ANXA3: variants seen among roughly 807,000 people sequenced by gnomAD.
ANXA3 encodes 35-alpha calcimedin.
ANXA3 carries 46 observed loss-of-function variants against 48.8 expected under a neutral mutation model. The observed-to-expected ratio is 0.94, with a 90% confidence interval of 0.74 to 1.21. The LOEUF (loss-of-function observed/expected upper bound fraction) is 1.21, where lower values mean the gene tolerates loss of function less well. Among genes scored for constraint, ANXA3 ranks in the 50% most tolerant of loss-of-function variants. The pLI is 0.00. For synonymous variants in ANXA3, 128 were observed against 134.7 expected (o/e 0.95, Z 0.35); for missense variants, 383 against 378.6 (o/e 1.01, Z -0.10).
chr4:78,600,422 T>G (rs1723509963), intron 10 of ANXA3, among the ~76,000 whole-genome samples: 1 of 152,146 alleles, frequency 6.6e-6, no homozygotes, highest in Non-Finnish European at 1.5e-5. Flanking sequence ...CAAATCTAGT[T>G]GGCAGGGAGG....
At chr4:78,593,307 A>G (rs1392040081) in intron 7 of ANXA3, among the ~76,000 whole-genome samples, 2 of 151,912 alleles carry the variant, frequency 1.3e-5, no homozygotes, top group African/African-American at 4.8e-5. Context: ...GGTTCAAGCA[A>G]TTCTCCTGCC....
chr4:78,576,018 A>G (rs1179600847), intron 3 of ANXA3, among the ~76,000 whole-genome samples: 2 of 151,996 alleles, frequency 1.3e-5, no homozygotes, highest in Non-Finnish European at 2.9e-5. Context: ...CCTATGTTTT[A>G]TGCTTCCCTA....
chr4:78,567,179 A>G lies in ANXA3; in HGVS notation c.16-6001A>G, dbSNP rs1187648485. 2.6e-5 allele frequency among the ~76,000 whole-genome samples: 4 copies of G among 152,164 alleles called. No individual in the cohort carries two copies. The South Asian group carries it at 6.2e-4, about 24-fold the overall frequency. ...CTGTAGGAACCGCTTGGTTACCAGT[A>G]TTTTTCTCTGGCCTTTACCTGCTGT... On this transcript the variant is annotated intron_variant, in intron 2 of 12. Transcript: ENST00000264908.
At chr4:78,586,429 C>G in intron 6 of ANXA3, 79 bp downstream of exon 6, 1 of 1,042,066 alleles carries the variant, frequency 9.6e-7, no homozygotes, top group Non-Finnish European at 1.5e-6. Context: ...TCCTCTCAAT[C>G]TCTTCATGAG....
intron 9 of ANXA3, among the ~76,000 whole-genome samples, chr4:78,596,396 G>A (rs867032390): frequency 1.3e-5 from 2 of 152,174 alleles, no homozygotes; most frequent in Admixed American, 6.5e-5. Flanking sequence ...GTGGGCACCC[G>A]CCCTCTTGCT....
chr4:78,581,329 C>A (rs1449065594), intron 4 of ANXA3, among the ~76,000 whole-genome samples: 1 of 152,154 alleles, frequency 6.6e-6, no homozygotes, highest in African/African-American at 2.4e-5. Flanking sequence ...CCTGTTACCC[C>A]CCTTTAAGCA....
At chr4:78,591,679 A>G (rs1309131897) in intron 7 of ANXA3, 56 bp downstream of exon 7, 2 of 1,248,942 alleles carry the variant, frequency 1.6e-6, no homozygotes, top group African/African-American at 3.0e-5. Context: ...CTCAATAACA[A>G]TTTTTAGGGA....
At chr4:78,554,632 A>G (rs1449609723) in intron 2 of ANXA3, 144 bp downstream of exon 2, 3 of 641,068 alleles carry the variant, frequency 4.7e-6, no homozygotes, top group Non-Finnish European at 8.2e-6. Context: ...AGAGGATGTC[A>G]AAAATAATAA....
rs183146613 is a variant in ANXA3 at position 78,598,689 on chromosome 4, G to A, written c.730+1275G>A. Among the ~76,000 whole-genome samples the A allele has an allele frequency of 3.3e-3, 509 of 152,094 alleles. 3 individuals carry two copies. Among genetic ancestry groups the A allele is most frequent in the African/African-American group, 0.012 (481 of 41,484 alleles). On this transcript the variant is annotated intron_variant, in intron 10 of 12. Transcript: ENST00000264908. ...TAAGTAGCTGGGATTACAGGCACAC[G>A]CCACCACGCCTGGCTAACGTTTGTA...
chr4:78,584,701 G>C (rs1471023487), intron 5 of ANXA3, among the ~76,000 whole-genome samples: 6 of 152,186 alleles, frequency 3.9e-5, no homozygotes, highest in Admixed American at 3.9e-4. Flanking sequence ...TCAGGGAATG[G>C]AGTTATCTTC....
At chr4:78,570,354 A>T (rs544841762) in intron 2 of ANXA3, among the ~76,000 whole-genome samples, 1 of 152,322 alleles carries the variant, frequency 6.6e-6, no homozygotes, top group East Asian at 1.9e-4. Flanking sequence ...TCACAGCTGG[A>T]GTGCAAACCC....
Position 78,583,904 on chromosome 4 carries a change from G to C in ANXA3, c.312+1614G>C, listed in dbSNP as rs551357911. Among the ~76,000 whole-genome samples the C allele has an allele frequency of 2.6e-5, 4 of 152,292 alleles. No individual in the cohort carries two copies. In the South Asian group the frequency reaches 8.3e-4, roughly 32 times the overall value. On this transcript the variant is annotated intron_variant, in intron 5 of 12. Transcript: ENST00000264908. Reference sequence around the variant, plus strand: ...ATTATATCTACAAAATACCTTCACAGCAACACCTAGATTAGTGTTTGATTG... The same window carrying C: ...ATTATATCTACAAAATACCTTCACACCAACACCTAGATTAGTGTTTGATTG...
chr4:78,604,391 G>T lies in ANXA3; in HGVS notation c.904G>T (p.Ala302Ser). 1 of 1,609,800 alleles carries T rather than the reference G, an allele frequency of 6.2e-7. No individual in the cohort carries two copies. The highest frequency in any genetic ancestry group is 2.2e-5 in the East Asian group (1 of 44,718). Reference sequence around the variant, plus strand: ...GCATTATGGCTATTCCCTATATTCAGCAATTAAAGTAAGTCTACTTTTAAA... The same window carrying T: ...GCATTATGGCTATTCCCTATATTCATCAATTAAAGTAAGTCTACTTTTAAA... ...KKHYGYSLYS[A>S]IKSDTSGDYE... Residue 302 changes from alanine (A) to serine (S), a missense_variant, in exon 12 of 13, where the codon GCA becomes TCA. Coordinates refer to ENST00000264908, the MANE Select transcript of ANXA3 (RefSeq NM_005139.3).
At chr4:78,609,910 G>A in intron 12 of ANXA3, 146 bp from the exon 13 acceptor site, 2 of 441,374 alleles carry the variant, frequency 4.5e-6, no homozygotes, top group Non-Finnish European at 8.1e-6. Flanking sequence ...ATGAATGAAT[G>A]ATGGAATTGC....
chr4:78,554,157 C>T (rs1722460956), intron 1 of ANXA3: 1 of 260,488 alleles, frequency 3.8e-6, no homozygotes, highest in Non-Finnish European at 7.3e-6. Flanking sequence ...ATTGGCTTTT[C>T]AGGAAGTATA....
At chr4:78,575,264 TA>T (rs1722923504) in intron 3 of ANXA3, among the ~76,000 whole-genome samples, 1 of 152,128 alleles carries the variant, frequency 6.6e-6, no homozygotes, top group Non-Finnish European at 1.5e-5. Flanking sequence ...ACAGACTTTT[TA>T]AAAAATATTA....
At chr4:78,554,137 T>A in intron 1 of ANXA3, 1 of 229,178 alleles carries the variant, frequency 4.4e-6, no homozygotes, top group East Asian at 9.1e-5. Context: ...GGACTTTAAA[T>A]AAGTCAAAAA....
intron 3 of ANXA3, among the ~76,000 whole-genome samples, chr4:78,576,865 G>T (rs1290783107): frequency 1.2e-4 from 18 of 152,084 alleles, no homozygotes; most frequent in Admixed American, 1.2e-3. Context: ...TTGATCTTGG[G>T]CATGTTTAAA....
At chr4:78,597,621 TTTC>T (rs1204073578) in intron 10 of ANXA3, among the ~76,000 whole-genome samples, 1 of 152,162 alleles carries the variant, frequency 6.6e-6, no homozygotes, top group African/African-American at 2.4e-5. Flanking sequence ...CTTTTTTCTT[TTTC>T]TTTTTTGAAA....
Sources: allele counts gnomAD v4.1 joint callset (sites outside exome capture counted in the v4.1 genomes callset), GRCh38; gene constraint gnomAD v4.1.1; transcripts MANE v1.5; gene names NCBI Gene and HGNC (gene_info 2026-07-23, HGNC 2026-07-21).